Variants in HCN1 observed in about 807,000 individuals in gnomAD.
The protein encoded by HCN1 is hyperpolarization activated cyclic nucleotide gated potassium channel 1.
A neutral mutation model predicts 78.9 loss-of-function variants in HCN1; 13 were observed. The observed-to-expected ratio is 0.16, with a 90% CI of 0.11 to 0.26. The LOEUF is 0.26. Among genes scored for constraint, HCN1 ranks in the 10% least tolerant of loss-of-function variants. The probability of loss-of-function intolerance (pLI) is 1.00; values close to 1 mark genes in which losing one functional copy is unlikely to be tolerated. For missense variants in HCN1, 810 were observed against 1,154.3 expected, an observed-to-expected ratio of 0.70 and a Z score of 4.32; for synonymous variants, 552 against 455.5, an observed-to-expected ratio of 1.21 and a Z score of -2.70.
At chr5:45,690,308 A>G (rs1224079189) in intron 1 of HCN1, among the ~76,000 whole-genome samples, 1 of 152,086 alleles carries the variant, frequency 6.6e-6, no homozygotes, top group Non-Finnish European at 1.5e-5. Flanking sequence ...GTCAACTATT[A>G]GACAAAATAG....
intron 2 of HCN1, among the ~76,000 whole-genome samples, chr5:45,574,069 T>TAAAAATA (rs1561206295): frequency 1.3e-5 from 2 of 152,108 alleles, no homozygotes; most frequent in African/African-American, 2.4e-5. Context: ...AGTATATGAA[T>TAAAAATA]CATAAAATTT....
rs918367927 is a variant in HCN1 at position 45,255,313 on chromosome 5, A to G, written c.*6608T>C. The G allele has an allele frequency of 1.3e-5, 2 of 152,158 alleles. No individual in the cohort carries two copies. The highest frequency in any genetic ancestry group is 4.8e-5 in the African/African-American group (2 of 41,440). The allele number at this position is 152,158 out of a possible 1,614,324, so 9.4% of individuals were successfully genotyped here. On this transcript the variant is annotated 3_prime_UTR_variant, in exon 8 of 8. Coordinates refer to ENST00000303230, the MANE Select transcript of HCN1 (RefSeq NM_021072.4). ...CTATGTTGACTTGTCATCTCCAGAAATGTCTTCACACTTGGAAGTTCCCTT... is the reference window on the plus strand; with the variant it reads ...CTATGTTGACTTGTCATCTCCAGAAGTGTCTTCACACTTGGAAGTTCCCTT...
rs71000628 is a variant in HCN1, at chr5:45,359,404, C to CAAA, written c.1231-6161_1231-6159dup. Among the ~76,000 whole-genome samples the CAAA allele has an allele frequency of 4.5e-4, 64 of 143,140 alleles. 1 individual carries two copies. The East Asian group carries it at 5.7e-3, about 13-fold the overall frequency. 93.9% of individuals were successfully genotyped at this position (143,140 alleles called of 152,430 possible). ...TTAACTTTTTACTTTCAGGAAGCATCAAAAAAAAAAAAATATATATATATA... is the reference window on the plus strand; with the variant it reads ...TTAACTTTTTACTTTCAGGAAGCATCAAAAAAAAAAAAAAAATATATATATATA... On this transcript the variant is annotated intron_variant, in intron 4 of 7. Coordinates refer to ENST00000303230, the MANE Select transcript of HCN1 (RefSeq NM_021072.4).
chr5:45,299,471 AT>A (rs1390615614), intron 6 of HCN1, among the ~76,000 whole-genome samples: 3 of 151,812 alleles, frequency 2.0e-5, no homozygotes, highest in African/African-American at 7.3e-5. Context: ...TCATCTGGGG[AT>A]TTTTTTCAAC....
At chr5:45,307,505 T>C (rs1745760361) in intron 5 of HCN1, among the ~76,000 whole-genome samples, 1 of 152,076 alleles carries the variant, frequency 6.6e-6, no homozygotes, top group African/African-American at 2.4e-5. Context: ...GTACTCTTGG[T>C]TTGATGTAAT....
intron 1 of HCN1, among the ~76,000 whole-genome samples, chr5:45,661,464 C>A (rs1432842882): frequency 7.2e-6 from 1 of 138,802 alleles, no homozygotes; most frequent in African/African-American, 2.8e-5. Flanking sequence ...CAGAGCAGAA[C>A]TGAAGGAAAT....
At chr5:45,677,474 A>G (rs956435269) in intron 1 of HCN1, among the ~76,000 whole-genome samples, 189 of 151,986 alleles carry the variant, frequency 1.2e-3, no homozygotes, top group African/African-American at 4.4e-3. Context: ...GAAAAGAAAC[A>G]GAGACCTCCA....
intron 1 of HCN1, among the ~76,000 whole-genome samples, chr5:45,674,141 G>GTA (rs1372982249): frequency 6.6e-6 from 1 of 150,820 alleles, no homozygotes; most frequent in Non-Finnish European, 1.5e-5. Context: ...TGATATATAT[G>GTA]TATATATATA....
chr5:45,630,915 CAT>C (rs1457911611), intron 2 of HCN1, among the ~76,000 whole-genome samples: 2 of 151,870 alleles, frequency 1.3e-5, no homozygotes, highest in African/African-American at 4.8e-5. Context: ...ATATGCATAG[CAT>C]ATGAGTCCAA....
chr5:45,694,877 T>C (rs1394798855), intron 1 of HCN1, among the ~76,000 whole-genome samples: 1 of 152,204 alleles, frequency 6.6e-6, no homozygotes, highest in Admixed American at 6.6e-5. Context: ...CTGTCCTTCT[T>C]CCCGAGCTGG....
chr5:45,695,450 C>T (rs1187211452), intron 1 of HCN1, among the ~76,000 whole-genome samples: 2 of 152,174 alleles, frequency 1.3e-5, no homozygotes, highest in Non-Finnish European at 1.5e-5. Flanking sequence ...AGAGCCCGTC[C>T]GGGATTCCCG....
At chr5:45,337,252 A>T (rs1481236424) in intron 5 of HCN1, among the ~76,000 whole-genome samples, 1 of 151,968 alleles carries the variant, frequency 6.6e-6, no homozygotes, top group Admixed American at 6.6e-5. Flanking sequence ...AGTTAAAAAG[A>T]AACTATTTTT....
intron 2 of HCN1, among the ~76,000 whole-genome samples, chr5:45,510,699 T>C (rs1283017616): frequency 6.6e-6 from 1 of 152,112 alleles, no homozygotes; most frequent in East Asian, 1.9e-4. Context: ...TCTACCATGT[T>C]GTCAAACTGC....
intron 5 of HCN1, among the ~76,000 whole-genome samples, chr5:45,316,287 A>T (rs184631821): frequency 1.5e-3 from 221 of 152,354 alleles, no homozygotes; most frequent in African/African-American, 4.0e-3. Flanking sequence ...GTAATCCAGA[A>T]TATAAACAGA....
At chr5:45,290,837 AC>A (rs1745358278) in intron 6 of HCN1, among the ~76,000 whole-genome samples, 1 of 152,022 alleles carries the variant, frequency 6.6e-6, no homozygotes, top group Admixed American at 6.6e-5. Flanking sequence ...TCATGAAGAA[AC>A]AAAAGAGATG....
At chr5:45,433,024 A>T (rs1045419678) in intron 3 of HCN1, among the ~76,000 whole-genome samples, 2 of 152,096 alleles carry the variant, frequency 1.3e-5, no homozygotes, top group Admixed American at 1.3e-4. Context: ...CTTACGCAGT[A>T]TCATGAGAAC....
chr5:45,339,944 G>C (rs1168260526), intron 5 of HCN1, among the ~76,000 whole-genome samples: 2 of 152,086 alleles, frequency 1.3e-5, no homozygotes, highest in East Asian at 3.9e-4. Context: ...TTGAGACAGA[G>C]TTTTGCTCTT....
intron 1 of HCN1, among the ~76,000 whole-genome samples, chr5:45,691,950 C>T (rs1242607942): frequency 2.0e-5 from 3 of 152,170 alleles, no homozygotes; most frequent in Middle Eastern, 6.8e-3. Flanking sequence ...TTCACACACT[C>T]ATACTAATGA....
chr5:45,622,603 G>A (rs967327730), intron 2 of HCN1, among the ~76,000 whole-genome samples: 2 of 151,972 alleles, frequency 1.3e-5, no homozygotes, highest in African/African-American at 2.4e-5. Context: ...GGATGAGAAA[G>A]GATGAGCTGC....
Sources: allele counts gnomAD v4.1 joint callset (sites outside exome capture counted in the v4.1 genomes callset), GRCh38; gene constraint gnomAD v4.1.1; transcripts MANE v1.5; gene names NCBI Gene and HGNC (gene_info 2026-07-23, HGNC 2026-07-21).